The following ZNF254 variants were observed in gnomAD, a reference collection of about 807,000 sequenced individuals.
The protein encoded by ZNF254 is zinc finger protein 254.
Under a neutral mutation model 12.4 loss-of-function variants are expected in ZNF254, and 10 were observed. The ratio of observed to expected loss-of-function variants is 0.80; its 90% confidence interval spans 0.50 to 1.36. The LOEUF (loss-of-function observed/expected upper bound fraction) is 1.36. Among genes scored for constraint, ZNF254 ranks in the 40% most tolerant of loss-of-function variants. The pLI, the probability that ZNF254 is intolerant of heterozygous loss-of-function variation, is 0.00. For synonymous variants in ZNF254, 305 were observed against 253.4 expected (o/e 1.20, Z -1.93); for missense variants, 996 against 763.9 (o/e 1.30, Z -3.58).
intron 2 of ZNF254, among the ~76,000 whole-genome samples, chr19:24,048,223 T>C (rs1970482331): frequency 6.6e-6 from 1 of 151,954 alleles, no homozygotes; most frequent in Non-Finnish European, 1.5e-5. Flanking sequence ...TTTGGGTTGA[T>C]CAGAGATTCA....
chr19:24,102,375 ACT>A (rs970548050), intron 1 of ZNF254, among the ~76,000 whole-genome samples: 6 of 151,430 alleles, frequency 4.0e-5, no homozygotes, highest in African/African-American at 1.5e-4. Context: ...AATTACACAA[ACT>A]CTGAGATTTA....
chr19:24,055,341 G>A (rs527516700), intron 2 of ZNF254, among the ~76,000 whole-genome samples: 14 of 151,310 alleles, frequency 9.3e-5, no homozygotes, highest in South Asian at 6.3e-4. Context: ...GTGCAGTGGC[G>A]CGATCTCAGC....
chr19:24,126,618 AG>A lies in ZNF254; in HGVS notation c.619del (p.Glu207ArgfsTer52), dbSNP rs778311384. 22 of 1,607,752 alleles carry A rather than the reference AG, an allele frequency of 1.4e-5. No individual in the cohort carries two copies. The Admixed American group carries it at 1.5e-4, about 11-fold the overall frequency. On this transcript the variant is annotated frameshift_variant, in exon 4 of 4. Transcript: ENST00000357002. LOFTEE classifies it low-confidence loss of function (END_TRUNC). ...CCCAACACAAAAGCATTTATCATAG[AG>A]AGAAGTCCTACAAATGTAAAGAATG... ...KTQHKSIYHREKSYKCKECGK... is the reference protein window; with the variant it reads ...KTQHKSIYHRXKSYKCKECGK...
chr19:24,051,379 C>T (rs754073739), intron 2 of ZNF254, among the ~76,000 whole-genome samples: 49 of 151,972 alleles, frequency 3.2e-4, no homozygotes, highest in Non-Finnish European at 5.7e-4. Context: ...AGGCTGGTCT[C>T]GAATTCCTGA....
intron 2 of ZNF254, among the ~76,000 whole-genome samples, chr19:24,070,835 A>G (rs1282010852): frequency 1.3e-5 from 2 of 152,176 alleles, no homozygotes; most frequent in Non-Finnish European, 1.5e-5. Flanking sequence ...GTCACAGAGT[A>G]CATTGTGACA....
Position 24,127,176 on chromosome 19 carries a change from T to A in ZNF254, c.1176T>A (p.Thr392=). ...GCAAAGCTTTTAAGCAACTCTCAAC[T>A]CTTACTACACATAAAATAATTCATG... ...ECGKAFKQLS[T]LTTHKIIHVG... Residue 392 remains threonine (T), a synonymous_variant, in exon 4 of 4, where the codon ACT becomes ACA. Coordinates refer to ENST00000357002, the MANE Select transcript of ZNF254 (RefSeq NM_203282.4). 6.2e-7 allele frequency: 1 copy of A among 1,612,674 alleles called. No individual in the cohort carries two copies. The highest frequency in any genetic ancestry group is 8.5e-7 in the Non-Finnish European group (1 of 1,179,586).
At chr19:24,083,865 G>T (rs2145598183), upstream of ZNF254, among the ~76,000 whole-genome samples, 1 of 152,088 alleles carries the variant, frequency 6.6e-6, no homozygotes, top group East Asian at 1.9e-4. Flanking sequence ...TGGTGAAAAG[G>T]GAATACTTTT....
At position 24,087,295 on chromosome 19, in the gene ZNF254, ATCCACAGC is replaced by A. The variant is rs767446141; in HGVS notation, c.-11_-4del. 1.9e-6 allele frequency: 3 copies of A among 1,613,248 alleles called. No individual in the cohort carries two copies. The East Asian group carries it at 6.7e-5, about 36-fold the overall frequency. On this transcript the variant is annotated 5_prime_UTR_variant, in exon 1 of 4. Transcript: ENST00000357002. ...GCGCTGTTACCAGCAGGTATTGGAG[ATCCACAGC>A]TAAGATGCCAGGACCCCCTAGAAGC...
intron 2 of ZNF254, among the ~76,000 whole-genome samples, chr19:24,077,346 C>T (rs1971694262): frequency 6.6e-6 from 1 of 152,178 alleles, no homozygotes; most frequent in Non-Finnish European, 1.5e-5. Context: ...TCACAGGCTC[C>T]TACTTAACCT....
At chr19:24,069,803 T>A (rs1021338854) in intron 2 of ZNF254, among the ~76,000 whole-genome samples, 2 of 149,366 alleles carry the variant, frequency 1.3e-5, no homozygotes, top group African/African-American at 5.0e-5. Context: ...ATACAAAAAA[T>A]TAGCCAGATG....
rs896260910 is a variant in ZNF254, at chr19:24,128,138, G to C, written c.*158G>C. On this transcript the variant is annotated 3_prime_UTR_variant, in exon 4 of 4. Coordinates refer to ENST00000357002, the MANE Select transcript of ZNF254 (RefSeq NM_203282.4). ...TGCTGAAAAATCCTAGAAATGTGAA[G>C]AATGTGAAAAAGCCTTTAAATGATT... is the stretch of plus-strand genomic sequence containing the variant. 4.0e-6 allele frequency: 3 copies of C among 742,272 alleles called. No individual in the cohort carries two copies. The highest frequency in any genetic ancestry group is 5.9e-6 in the Non-Finnish European group (3 of 511,682). The allele number at this position is 742,272 out of a possible 1,614,324, so 46.0% of individuals were successfully genotyped here. A position where few individuals can be genotyped will look rare whatever the true frequency, so the allele number is the denominator to read the frequency against.
intron 3 of ZNF254, among the ~76,000 whole-genome samples, chr19:24,114,052 T>A (rs1381261587): frequency 1.3e-5 from 2 of 151,368 alleles, no homozygotes; most frequent in Non-Finnish European, 2.9e-5. Context: ...GGAAGAACAT[T>A]CCATGCTCAT....
At chr19:24,040,632 T>A (rs540247250) in intron 1 of ZNF254, among the ~76,000 whole-genome samples, 1 of 152,202 alleles carries the variant, frequency 6.6e-6, no homozygotes, top group African/African-American at 2.4e-5. Context: ...TCAAAATTTT[T>A]TGAGGCTTAA....
In ZNF254 at chr19:24,055,205, CAAA is replaced by C. The variant is rs71167733; in HGVS notation, c.-94+8951_-94+8953del. Among the ~76,000 whole-genome samples the C allele has an allele frequency of 3.4e-3, 95 of 28,320 alleles. No homozygotes were observed. In the East Asian group the frequency reaches 0.055, roughly 17 times the overall value. 18.6% of individuals were successfully genotyped at this position (28,320 alleles called of 152,430 possible). A position where few individuals can be genotyped will look rare whatever the true frequency, so the allele number is the denominator to read the frequency against. ...GTGATAGTGCGAGACTCTGTCTCAC[CAAA>C]AAAAAAAAAAAAAAAAAAAAAAAAG... is the stretch of plus-strand genomic sequence containing the variant. On this transcript the variant is annotated intron_variant, in intron 2 of 4. Transcript: ENST00000613065.
chr19:24,078,191 CCA>C (rs1971726365), intron 2 of ZNF254, among the ~76,000 whole-genome samples: 1 of 152,214 alleles, frequency 6.6e-6, no homozygotes, highest in Non-Finnish European at 1.5e-5. Context: ...GCACATGCCA[CCA>C]CACACGGCTG....
At chr19:24,099,182 T>G (rs1425839632) in intron 1 of ZNF254, among the ~76,000 whole-genome samples, 2 of 149,088 alleles carry the variant, frequency 1.3e-5, no homozygotes, top group Non-Finnish European at 3.0e-5. Flanking sequence ...TTTTCTTGTA[T>G]TTTTAGTAGA....
intron 1 of ZNF254, among the ~76,000 whole-genome samples, chr19:24,089,218 C>G (rs1478252040): frequency 6.6e-6 from 1 of 152,150 alleles, no homozygotes; most frequent in Admixed American, 6.5e-5. Flanking sequence ...TCGGGTGATA[C>G]GCCCGCCTTG....
chr19:24,104,589 A>T (rs559105078), intron 1 of ZNF254: 4 of 151,852 alleles, frequency 2.6e-5, no homozygotes, highest in Non-Finnish European at 5.9e-5. Context: ...AAAAATGCTT[A>T]TGATAGTCGA....
intron 1 of ZNF254, chr19:24,092,065 G>T (rs1423591067): frequency 1.3e-5 from 2 of 151,556 alleles, no homozygotes; most frequent in Non-Finnish European, 2.9e-5. Flanking sequence ...GTAGAAACAG[G>T]ATTTCACCAT....
Sources: gnomAD v4.1 joint callset for allele counts (sites outside exome capture counted in the v4.1 genomes callset) on GRCh38, gnomAD v4.1.1 for gene constraint, MANE v1.5 for transcripts, NCBI Gene and HGNC (gene_info 2026-07-23, HGNC 2026-07-21) for gene names.